SYBU: variants seen among roughly 807,000 people sequenced by gnomAD.
The protein encoded by SYBU is GOLSYN A protein.
In SYBU, 21 loss-of-function variants were observed where a neutral mutation model predicts 35.9. The ratio of observed to expected loss-of-function variants is 0.58; its 90% CI spans 0.41 to 0.84. The LOEUF (loss-of-function observed/expected upper bound fraction) is 0.84. Among genes scored for constraint, SYBU ranks in the 40% least tolerant of loss-of-function variants. SYBU has a pLI of 0.00. For synonymous variants in SYBU, 319 were observed against 324.3 expected (o/e 0.98, Z 0.18); for missense variants, 768 against 848.2 (o/e 0.91, Z 1.17).
At chr8:109,634,324 A>G (rs1813975095) in intron 2 of SYBU, among the ~76,000 whole-genome samples, 1 of 152,156 alleles carries the variant, frequency 6.6e-6, no homozygotes, top group Non-Finnish European at 1.5e-5. Context: ...CACTGGAGTC[A>G]TGGTTCTATT....
chr8:109,579,261 A>G (rs948937774), intron 5 of SYBU, among the ~76,000 whole-genome samples: 1 of 152,004 alleles, frequency 6.6e-6, no homozygotes, highest in Non-Finnish European at 1.5e-5. Context: ...CACACTCCCT[A>G]CAATCTCATA....
At chr8:109,617,584 A>G (rs1328563930) in intron 3 of SYBU, among the ~76,000 whole-genome samples, 1 of 152,182 alleles carries the variant, frequency 6.6e-6, no homozygotes, top group Non-Finnish European at 1.5e-5. Flanking sequence ...ATTTCATGAC[A>G]TTCTTTAACT....
At chr8:109,623,766 A>T (rs1260189732) in intron 2 of SYBU, among the ~76,000 whole-genome samples, 4 of 152,188 alleles carry the variant, frequency 2.6e-5, no homozygotes, top group Admixed American at 2.0e-4. Flanking sequence ...GCTAAATTAA[A>T]TTAAATCTGT....
chr8:109,685,398 G>T (rs1428199666), upstream of SYBU, among the ~76,000 whole-genome samples: 2 of 152,158 alleles, frequency 1.3e-5, no homozygotes, highest in East Asian at 3.8e-4. Context: ...ACCAATTCTA[G>T]CTCTTTTTGC....
chr8:109,677,834 A>G (rs1289060120), intron 1 of SYBU, among the ~76,000 whole-genome samples: 1 of 152,166 alleles, frequency 6.6e-6, no homozygotes, highest in African/African-American at 2.4e-5. Flanking sequence ...ACACAACTTT[A>G]TTACATTTAG....
intron 2 of SYBU, among the ~76,000 whole-genome samples, chr8:109,640,679 G>A (rs1460111571): frequency 5.9e-5 from 9 of 151,938 alleles, no homozygotes; most frequent in Admixed American, 6.6e-5. Context: ...CAAAGCAGCA[G>A]TGGGTTTCCA....
chr8:109,614,922 T>C (rs537256483), intron 3 of SYBU, among the ~76,000 whole-genome samples: 1 of 152,242 alleles, frequency 6.6e-6, no homozygotes, highest in African/African-American at 2.4e-5. Flanking sequence ...GCTTTCCTGC[T>C]GCGTGTGCTG....
rs779414382 is a variant in SYBU, at chr8:109,575,970, G to A, written c.928C>T (p.Arg310Ter). ...VELKSQLARMREDWIEEECHR... is the reference protein window; with the variant it reads ...VELKSQLARM ...CACTCCTCCTCAATCCAGTCCTCTC[G>A]CATGCGGGCCAGCTGGGACTTAAGC... The change falls in exon 7 of 7, where the codon CGA becomes TGA. Residue 310 changes from arginine to a stop codon, truncating the protein, a stop_gained. Transcript: ENST00000276646. LOFTEE classifies it low-confidence loss of function (END_TRUNC). 3 of 1,606,220 alleles carry A rather than the reference G, an allele frequency of 1.9e-6. No individual in the cohort carries two copies. Among genetic ancestry groups the A allele is most frequent in the East Asian group, 2.2e-5 (1 of 44,660 alleles).
intron 1 of SYBU, 189 bp from the exon 2 acceptor site, chr8:109,643,121 T>C: frequency 7.5e-7 from 1 of 1,328,866 alleles, no homozygotes; most frequent in Non-Finnish European, 9.6e-7. Context: ...ACCTTTCTAA[T>C]CTACTGAATA....
intron 1 of SYBU, among the ~76,000 whole-genome samples, chr8:109,667,600 A>G (rs1250294699): frequency 6.6e-6 from 1 of 151,548 alleles, no homozygotes; most frequent in African/African-American, 2.4e-5. Context: ...AATGCTTCAA[A>G]GCAAATTTTA....
intron 2 of SYBU, 88 bp from the exon 3 acceptor site, chr8:109,619,127 C>A: frequency 1.1e-6 from 1 of 952,158 alleles, no homozygotes. Context: ...CACACGCACA[C>A]GTGCACTCGC....
chr8:109,667,802 T>C (rs1816812353), intron 1 of SYBU, among the ~76,000 whole-genome samples: 1 of 152,192 alleles, frequency 6.6e-6, no homozygotes, highest in African/African-American at 2.4e-5. Context: ...ATGTGTTTTG[T>C]TTTTTAAAAC....
rs35325438 is a variant in SYBU, at chr8:109,643,147, G to GCACACA, written c.25-221_25-216dup. On this transcript the variant is annotated intron_variant, in intron 1 of 6. Coordinates refer to ENST00000276646, the MANE Select transcript of SYBU (RefSeq NM_001099754.2). ...CTACTGAATAGCACATGTCTGTGTG[G>GCACACA]CACACACACACACACACACACACAC... is the stretch of plus-strand genomic sequence containing the variant. The GCACACA allele has an allele frequency of 3.5e-4, 404 of 1,142,250 alleles. 1 individual carries two copies. In the African/African-American group the frequency reaches 4.7e-3, roughly 13 times the overall value. The allele number at this position is 1,142,250 out of a possible 1,614,324, so 70.8% of individuals were successfully genotyped here.
At position 109,614,062 on chromosome 8, in the gene SYBU, A is replaced by T. The variant is rs1280718767; in HGVS notation, c.427+4780T>A. Among the ~76,000 whole-genome samples, 3 of 152,230 alleles carry T rather than the reference A, an allele frequency of 2.0e-5. No homozygotes were observed. The East Asian group carries it at 5.8e-4, about 29-fold the overall frequency. On this transcript the variant is annotated intron_variant, in intron 3 of 6. Coordinates refer to ENST00000276646, the MANE Select transcript of SYBU (RefSeq NM_001099754.2). ...TCAGTTTCTAAATGTGGATTCTTGT[A>T]AATTTTAGTGACCCTAACCATTTGC...
chr8:109,658,882 A>G (rs1404480751), intron 1 of SYBU, among the ~76,000 whole-genome samples: 1 of 152,126 alleles, frequency 6.6e-6, no homozygotes, highest in Non-Finnish European at 1.5e-5. Flanking sequence ...TGAACCGGAA[A>G]GGCGGAGGTT....
upstream of SYBU, among the ~76,000 whole-genome samples, chr8:109,685,243 C>T (rs1817494337): frequency 6.6e-6 from 1 of 152,090 alleles, no homozygotes; most frequent in Non-Finnish European, 1.5e-5. Flanking sequence ...TACACGAAAA[C>T]ATGTTAGACT....
At position 109,691,505 on chromosome 8, in the gene SYBU, C is replaced by A. The variant is rs1036455575; in HGVS notation, c.-230G>T. On this transcript the variant is annotated 5_prime_UTR_variant, in exon 1 of 8. Coordinates refer to the SYBU transcript ENST00000422135. This position sits in a 1 kb window ranked among gnomAD's most constrained non-coding sequence, Gnocchi z 4.7. Reference sequence around the variant, plus strand: ...CCGGCCCGCTCCGCCCGCCTTAGCCCGGCTTGGACACGTGGTGCCGCGGAA... The same window carrying A: ...CCGGCCCGCTCCGCCCGCCTTAGCCAGGCTTGGACACGTGGTGCCGCGGAA... 7.9e-6 allele frequency: 4 copies of A among 503,384 alleles called. No individual in the cohort carries two copies. The highest frequency in any genetic ancestry group is 1.0e-5 in the Non-Finnish European group (3 of 290,872). The allele number at this position is 503,384 out of a possible 1,614,324, so 31.2% of individuals were successfully genotyped here.
At chr8:109,677,078 G>T (rs938837704) in intron 1 of SYBU, among the ~76,000 whole-genome samples, 4 of 151,840 alleles carry the variant, frequency 2.6e-5, no homozygotes, top group African/African-American at 9.7e-5. Flanking sequence ...AGGAAAAAAA[G>T]AGCTAGAAAT....
At chr8:109,579,355 T>C (rs553230736) in intron 5 of SYBU, among the ~76,000 whole-genome samples, 36 of 152,324 alleles carry the variant, frequency 2.4e-4, no homozygotes, top group African/African-American at 7.2e-4. Flanking sequence ...CCAGACTGCG[T>C]TGGACACCCT....
Sources: gnomAD v4.1 joint callset for allele counts (sites outside exome capture counted in the v4.1 genomes callset) on GRCh38, gnomAD v4.1.1 for gene constraint, Gnocchi (gnomAD v3.1) non-coding constraint, MANE v1.5 for transcripts, NCBI Gene and HGNC (gene_info 2026-07-23, HGNC 2026-07-21) for gene names.